AMN1: variants seen among roughly 807,000 people sequenced by gnomAD.
The protein encoded by AMN1 is antagonist of mitotic exit network 1 homolog, also known as protein AMN1 homolog.
Under a neutral mutation model 33.0 loss-of-function variants are expected in AMN1, and 20 were observed. The ratio of observed to expected loss-of-function variants is 0.61; its 90% CI spans 0.43 to 0.88. The LOEUF is 0.88. Among genes scored for constraint, AMN1 ranks in the 40% least tolerant of loss-of-function variants. The probability of loss-of-function intolerance (pLI) is 0.00; values close to 1 mark genes in which losing one functional copy is unlikely to be tolerated. For missense variants in AMN1, 246 were observed against 307.4 expected (o/e 0.80, Z 1.49); for synonymous variants, 114 against 111.9 (o/e 1.02, Z -0.12).
chr12:31,720,640 A>G (rs987249169), intron 1 of AMN1, among the ~76,000 whole-genome samples: 1 of 151,898 alleles, frequency 6.6e-6, no homozygotes, highest in African/African-American at 2.4e-5. Flanking sequence ...TCCTGTCACT[A>G]TTGATTTATC....
intron 2 of AMN1, among the ~76,000 whole-genome samples, chr12:31,702,252 G>A (rs1280567058): frequency 6.6e-6 from 1 of 152,170 alleles, no homozygotes; most frequent in Non-Finnish European, 1.5e-5. Context: ...CTGTTGAGAT[G>A]GCTAATTCAG....
At chr12:31,717,149 C>A (rs1939708794) in intron 1 of AMN1, among the ~76,000 whole-genome samples, 1 of 152,124 alleles carries the variant, frequency 6.6e-6, no homozygotes, top group African/African-American at 2.4e-5. Flanking sequence ...TGTTCCCCTC[C>A]CTGTGTCCAT....
chr12:31,723,710 CTGTGGCTGCTT>C (rs1300412279), intron 1 of AMN1, among the ~76,000 whole-genome samples: 1 of 152,200 alleles, frequency 6.6e-6, no homozygotes, highest in East Asian at 1.9e-4. Context: ...TATGTGTTGT[CTGTGGCTGCTT>C]GTGTTCTACA....
chr12:31,718,916 C>T (rs1433676023), intron 1 of AMN1, among the ~76,000 whole-genome samples: 1 of 152,274 alleles, frequency 6.6e-6, no homozygotes, highest in Admixed American at 6.5e-5. Context: ...CCTCCCCCCG[C>T]CAAGCTCCCA....
chr12:31,699,695 T>C (rs1268662385), intron 3 of AMN1, among the ~76,000 whole-genome samples: 2 of 152,172 alleles, frequency 1.3e-5, no homozygotes, highest in Non-Finnish European at 2.9e-5. Context: ...TGACAAATTA[T>C]TGAATGGAGG....
At chr12:31,724,905 C>T (rs1198819503) in intron 1 of AMN1, among the ~76,000 whole-genome samples, 1 of 152,226 alleles carries the variant, frequency 6.6e-6, no homozygotes, top group Non-Finnish European at 1.5e-5. Context: ...CCACAAAGCC[C>T]ATCCAGAAAC....
chr12:31,677,422 A>AATGT (rs776268442), intron 6 of AMN1, among the ~76,000 whole-genome samples: 4 of 152,220 alleles, frequency 2.6e-5, no homozygotes, highest in Non-Finnish European at 5.9e-5. Flanking sequence ...CTATCCTAGT[A>AATGT]ACAGTTAAGC....
At chr12:31,698,122 C>T (rs918287523) in intron 3 of AMN1, among the ~76,000 whole-genome samples, 165 bp from the exon 4 acceptor site, 1 of 152,184 alleles carries the variant, frequency 6.6e-6, no homozygotes, top group Admixed American at 6.5e-5. Context: ...TGTCATTATT[C>T]AGAACTCTTT....
At chr12:31,686,414 C>T (rs559283904) in intron 6 of AMN1, among the ~76,000 whole-genome samples, 2 of 152,254 alleles carry the variant, frequency 1.3e-5, no homozygotes, top group South Asian at 4.2e-4. Context: ...CTCTGCACTC[C>T]AGCCTGGGTG....
chr12:31,721,141 C>T (rs1232887941), intron 1 of AMN1, among the ~76,000 whole-genome samples: 1 of 152,214 alleles, frequency 6.6e-6, no homozygotes, highest in East Asian at 1.9e-4. Context: ...ATATATCTGG[C>T]TCCTGCGACA....
chr12:31,709,235 A>C, intron 2 of AMN1, 58 bp downstream of exon 2: 1 of 1,585,738 alleles, frequency 6.3e-7, no homozygotes, highest in Non-Finnish European at 8.6e-7. Context: ...CAAAAATCTA[A>C]AACCATATCT....
intron 5 of AMN1, among the ~76,000 whole-genome samples, chr12:31,694,508 G>A (rs1938638874): frequency 6.6e-6 from 1 of 151,898 alleles, no homozygotes; most frequent in Admixed American, 6.6e-5. Context: ...AGCACTTTGG[G>A]AAGCCAAGGC....
At chr12:31,695,945 T>TA (rs1365880451) in intron 5 of AMN1, among the ~76,000 whole-genome samples, 2 of 152,144 alleles carry the variant, frequency 1.3e-5, no homozygotes, top group Non-Finnish European at 2.9e-5. Flanking sequence ...GTTGGCTTTT[T>TA]AAAAAATGTA....
At chr12:31,716,032 G>A (rs1001311536) in intron 1 of AMN1, among the ~76,000 whole-genome samples, 6 of 152,156 alleles carry the variant, frequency 3.9e-5, no homozygotes, top group African/African-American at 7.2e-5. Context: ...TTATCATTAA[G>A]TAATGTCTCT....
chr12:31,697,825 C>T lies in AMN1; in HGVS notation c.449G>A (p.Gly150Asp), dbSNP rs780776463. 3 of 1,613,854 alleles carry T rather than the reference C, an allele frequency of 1.9e-6. No homozygotes were observed. Among genetic ancestry groups the T allele is most frequent in the Non-Finnish European group, 2.5e-6 (3 of 1,179,886 alleles). ...GGACACATCAGTAATACTTAAGCAG[C>T]CACCTAAATCGATGATCTTTAGCAG... ...CQLLKIIDLG[G>D]CLSITDVSLH... The change falls in exon 4 of 7, where the codon GGC (glycine) becomes GAC (aspartate). Residue 150 changes from glycine to aspartate, a missense_variant. Physicochemically the swap from Gly to Asp is moderately conservative, Grantham distance 94. Coordinates refer to ENST00000281471, the MANE Select transcript of AMN1 (RefSeq NM_001113402.2).
At chr12:31,728,947 G>A (rs951202289) in intron 1 of AMN1, 24 bp downstream of exon 1, 24 of 1,540,880 alleles carry the variant, frequency 1.6e-5, no homozygotes, top group African/African-American at 4.1e-5. Context: ...CGGCGCGAAG[G>A]GAGGCGGGAC....
In AMN1 at chr12:31,717,249, T is replaced by C. The variant is rs1939712662; in HGVS notation, c.39-7824A>G. Among the ~76,000 whole-genome samples the C allele has an allele frequency of 4.6e-5, 7 of 152,154 alleles. No individual in the cohort carries two copies. In the South Asian group the frequency reaches 1.4e-3, roughly 31 times the overall value. On this transcript the variant is annotated intron_variant, in intron 1 of 6. Transcript: ENST00000281471. ...TGCTGAGGATGATGTCTTCCAGCTT[T>C]ATCCATGTCCCTGCAAAGGACGTGA... is the stretch of plus-strand genomic sequence containing the variant.
chr12:31,672,474 T>C (rs1592142257), intron 6 of AMN1, 97 bp from the exon 7 acceptor site: 2 of 866,304 alleles, frequency 2.3e-6, no homozygotes, highest in East Asian at 5.4e-5. Flanking sequence ...ATTATACAGT[T>C]ATTTAAAGGA....
chr12:31,701,219 G>A (rs934503253), intron 3 of AMN1, among the ~76,000 whole-genome samples: 26 of 150,860 alleles, frequency 1.7e-4, no homozygotes, highest in African/African-American at 6.4e-4. Context: ...GGCTGGTCTC[G>A]AACTCCTGAC....
Sources: allele counts gnomAD v4.1 joint callset (sites outside exome capture counted in the v4.1 genomes callset), GRCh38; gene constraint gnomAD v4.1.1; transcripts MANE v1.5; gene names NCBI Gene and HGNC (gene_info 2026-07-23, HGNC 2026-07-21).